CEP85L: variants seen among roughly 807,000 people sequenced by gnomAD.
CEP85L encodes centrosomal protein 85L, also known as centrosomal protein of 85 kDa-like.
In CEP85L, 60 loss-of-function variants were observed where a neutral mutation model predicts 100.3. That is an observed-to-expected ratio of 0.60 (90% CI 0.49 to 0.74). CEP85L has a LOEUF of 0.74. Ranked by LOEUF, CEP85L falls within the 30% of genes least tolerant of loss-of-function variation. The pLI, the probability that CEP85L is intolerant of heterozygous loss-of-function variation, is 0.00. For synonymous variants in CEP85L, 319 were observed against 322.7 expected, an observed-to-expected ratio of 0.99 and a Z score of 0.12; for missense variants, 973 against 936.2, an observed-to-expected ratio of 1.04 and a Z score of -0.51.
intron 1 of CEP85L, among the ~76,000 whole-genome samples, chr6:118,665,956 C>T (rs1013121936): frequency 1.3e-4 from 20 of 152,128 alleles, no homozygotes; most frequent in African/African-American, 4.6e-4. Context: ...GAATACTTGG[C>T]GCATCACCCC....
intron 2 of CEP85L, among the ~76,000 whole-genome samples, chr6:118,615,843 C>T (rs1773001324): frequency 6.6e-6 from 1 of 152,222 alleles, no homozygotes; most frequent in Non-Finnish European, 1.5e-5. Context: ...CTAGAAGAAA[C>T]AAACTGTGCA....
At chr6:118,592,198 C>A (rs1187047186) in intron 2 of CEP85L, among the ~76,000 whole-genome samples, 1 of 152,096 alleles carries the variant, frequency 6.6e-6, no homozygotes, top group African/African-American at 2.4e-5. Flanking sequence ...TTGGATTCTG[C>A]CTTCCAAATA....
In CEP85L at chr6:118,651,571, A is replaced by T; in HGVS notation, c.-302T>A. The T allele has an allele frequency of 8.8e-7, 1 of 1,136,364 alleles. No individual in the cohort carries two copies. 70.4% of individuals were successfully genotyped at this position (1,136,364 alleles called of 1,614,324 possible). On this transcript the variant is annotated 5_prime_UTR_variant, in exon 1 of 13. Coordinates refer to ENST00000368491, the MANE Select transcript of CEP85L (RefSeq NM_001042475.3). The stretch of plus-strand genomic sequence containing the variant: ...GCCCAGGCTCAAAGGCTCCAGGCGA[A>T]GTTGCAGCTGCGGGTTCTCTCCGCC...
At chr6:118,652,574 T>C, upstream of CEP85L, 3 of 1,449,940 alleles carry the variant, frequency 2.1e-6, no homozygotes, top group East Asian at 2.6e-5. Context: ...CCGCTTTTCC[T>C]GTTCTGGAAT....
chr6:118,545,951 T>C (rs1300010764), intron 3 of CEP85L, among the ~76,000 whole-genome samples: 1 of 152,138 alleles, frequency 6.6e-6, no homozygotes, highest in Non-Finnish European at 1.5e-5. Flanking sequence ...AAAAATACAT[T>C]CAAACTATAG....
At chr6:118,537,111 C>G (rs1297214336) in intron 3 of CEP85L, among the ~76,000 whole-genome samples, 1 of 152,102 alleles carries the variant, frequency 6.6e-6, no homozygotes, top group Non-Finnish European at 1.5e-5. Context: ...CTATGCTGTT[C>G]TACTTAGAAT....
chr6:118,502,281 A>C lies in CEP85L; in HGVS notation c.1257+9017T>G, dbSNP rs1412360798. The stretch of plus-strand genomic sequence containing the variant: ...ATATCAGCAAGGATAATTCAGATTT[A>C]ATCTATGCAATCTATGGGGGAAGAC... On this transcript the variant is annotated intron_variant, in intron 5 of 12. Transcript: ENST00000368491. 4.3e-5 allele frequency: 23 copies of C among 531,482 alleles called. No homozygotes were observed. The South Asian group carries it at 4.8e-4, about 11-fold the overall frequency. The allele number at this position is 531,482 out of a possible 1,614,324, so 32.9% of individuals were successfully genotyped here.
intron 2 of CEP85L, among the ~76,000 whole-genome samples, chr6:118,615,392 A>T (rs926757952): frequency 1.3e-5 from 2 of 151,812 alleles, no homozygotes; most frequent in Non-Finnish European, 2.9e-5. Flanking sequence ...AAACAATTTG[A>T]AAAACAAAAC....
chr6:118,551,814 G>GT (rs1778563491), intron 3 of CEP85L, among the ~76,000 whole-genome samples: 1 of 151,986 alleles, frequency 6.6e-6, no homozygotes, highest in Non-Finnish European at 1.5e-5. Context: ...CTACCACAAA[G>GT]TAACTTCAAA....
At chr6:118,632,679 G>A in intron 1 of CEP85L, 68 bp from the exon 2 acceptor site, 1 of 1,325,142 alleles carries the variant, frequency 7.5e-7, no homozygotes, top group Non-Finnish European at 1.0e-6. Flanking sequence ...TTTTTACCTT[G>A]TGGAAAATAC....
intron 2 of CEP85L, among the ~76,000 whole-genome samples, chr6:118,582,446 G>A (rs1780627951): frequency 6.6e-6 from 1 of 152,142 alleles, no homozygotes; most frequent in South Asian, 2.1e-4. Context: ...AGAAAAATAT[G>A]GATATAAGCA....
chr6:118,520,253 A>G (rs1776579209), intron 4 of CEP85L, among the ~76,000 whole-genome samples: 1 of 152,260 alleles, frequency 6.6e-6, no homozygotes, highest in South Asian at 2.1e-4. Flanking sequence ...ATACTGAAAA[A>G]GTAAATCCAC....
intron 1 of CEP85L, among the ~76,000 whole-genome samples, chr6:118,680,196 G>A (rs1776604726): frequency 6.6e-6 from 1 of 151,256 alleles, no homozygotes. Context: ...GGGAGGCTGA[G>A]GTGAGAGGAT....
intron 2 of CEP85L, among the ~76,000 whole-genome samples, chr6:118,619,787 G>A (rs1773322095): frequency 6.6e-6 from 1 of 152,214 alleles, no homozygotes; most frequent in Admixed American, 6.5e-5. Flanking sequence ...CTAGCATGGA[G>A]GGGCATCATG....
intron 2 of CEP85L, among the ~76,000 whole-genome samples, chr6:118,623,850 G>C (rs1773606267): frequency 6.6e-6 from 1 of 152,202 alleles, no homozygotes; most frequent in Admixed American, 6.5e-5. Flanking sequence ...AAGGGATAGA[G>C]CTGTTCCAAC....
intron 2 of CEP85L, among the ~76,000 whole-genome samples, chr6:118,587,230 A>T (rs1285498071): frequency 6.6e-6 from 1 of 152,212 alleles, no homozygotes; most frequent in Non-Finnish European, 1.5e-5. Context: ...CATAAATGGG[A>T]CATGGTATGG....
At chr6:118,643,607 G>A (rs1775008690) in intron 1 of CEP85L, among the ~76,000 whole-genome samples, 1 of 152,060 alleles carries the variant, frequency 6.6e-6, no homozygotes, top group African/African-American at 2.4e-5. Flanking sequence ...TCTCTTTAAA[G>A]GAACTTAAAA....
At chr6:118,521,028 C>T (rs1379286327) in intron 4 of CEP85L, among the ~76,000 whole-genome samples, 1 of 152,082 alleles carries the variant, frequency 6.6e-6, no homozygotes, top group African/African-American at 2.4e-5. Flanking sequence ...AAAAAAAACA[C>T]ATTTTTTCTC....
At chr6:118,632,373 TA>T in intron 2 of CEP85L, 79 bp downstream of exon 2, 1 of 1,077,062 alleles carries the variant, frequency 9.3e-7, no homozygotes, top group Non-Finnish European at 1.3e-6. Flanking sequence ...TATGAAACAA[TA>T]AAACATATCC....
Sources: gnomAD v4.1 joint callset for allele counts (sites outside exome capture counted in the v4.1 genomes callset) on GRCh38, gnomAD v4.1.1 for gene constraint, MANE v1.5 for transcripts, NCBI Gene and HGNC (gene_info 2026-07-23, HGNC 2026-07-21) for gene names.